The following ERG variants were observed in gnomAD, a reference collection of about 807,000 sequenced individuals.
The protein encoded by ERG is transcriptional regulator ERG.
Under a neutral mutation model 55.3 loss-of-function variants are expected in ERG, and 9 were observed. That is an observed-to-expected ratio of 0.16 (90% CI 0.10 to 0.28). The LOEUF is 0.28. Ranked by LOEUF, ERG falls within the 10% of genes least tolerant of loss-of-function variation. The pLI, the probability that ERG is intolerant of heterozygous loss-of-function variation, is 1.00. For synonymous variants in ERG, 223 were observed against 237.3 expected, an observed-to-expected ratio of 0.94 and a Z score of 0.55; for missense variants, 434 against 631.6, an observed-to-expected ratio of 0.69 and a Z score of 3.35.
chr21:38,542,673 T>C (rs1475344953), intron 2 of ERG, among the ~76,000 whole-genome samples: 1 of 152,148 alleles, frequency 6.6e-6, no homozygotes, highest in Non-Finnish European at 1.5e-5. Context: ...GCTAACGAAA[T>C]GCATTTTCAC....
chr21:38,396,002 T>C (rs1484370515), intron 6 of ERG, among the ~76,000 whole-genome samples: 1 of 152,072 alleles, frequency 6.6e-6, no homozygotes, highest in African/African-American at 2.4e-5. Context: ...CTCATCCTCA[T>C]TCTGCAGGAT....
At chr21:38,402,712 C>CAAAAAAAAAAAAAAAAAAACAAAAA (rs759434219) in intron 4 of ERG, 75 bp from the exon 5 acceptor site, 1 of 156,284 alleles carries the variant, frequency 6.4e-6, no homozygotes, top group African/African-American at 3.6e-5. Context: ...ACCTTTCTTA[C>CAAAAAAAAAAAAAAAAAAACAAAAA]AAAAAAAAAA....
intron 2 of ERG, among the ~76,000 whole-genome samples, chr21:38,573,362 G>A (rs976655401): frequency 6.6e-6 from 1 of 152,208 alleles, no homozygotes; most frequent in African/African-American, 2.4e-5. Context: ...TTGAGATAGA[G>A]GAAGGCCACT....
chr21:38,654,764 C>T (rs2060508818), intron 1 of ERG, among the ~76,000 whole-genome samples: 1 of 152,158 alleles, frequency 6.6e-6, no homozygotes, highest in African/African-American at 2.4e-5. Flanking sequence ...TCCACTTTTG[C>T]TTATTCTGTC....
Position 38,383,310 on chromosome 21 carries a change from C to T in ERG, c.*93G>A. ...CAGCCCCAGTAAAGCTTTTTTCATT[C>T]CTCTTGAGGCACTTTTGATTCATGT... is the stretch of plus-strand genomic sequence containing the variant. On this transcript the variant is annotated 3_prime_UTR_variant, in exon 10 of 10. Coordinates refer to ENST00000288319, the MANE Select transcript of ERG (RefSeq NM_182918.4). This position sits in a 1 kb window ranked among gnomAD's most constrained non-coding sequence, Gnocchi z 5.7. The T allele has an allele frequency of 1.5e-6, 2 of 1,345,674 alleles. No individual in the cohort carries two copies. The highest frequency in any genetic ancestry group is 9.6e-7 in the Non-Finnish European group (1 of 1,043,688). 83.4% of individuals were successfully genotyped at this position (1,345,674 alleles called of 1,614,324 possible).
intron 2 of ERG, among the ~76,000 whole-genome samples, chr21:38,506,550 G>C (rs1315007441): frequency 6.6e-6 from 1 of 152,180 alleles, no homozygotes; most frequent in Non-Finnish European, 1.5e-5. Context: ...TTAATATACA[G>C]ATTTCCTTGA....
At chr21:38,654,641 T>G (rs1411667895) in intron 1 of ERG, among the ~76,000 whole-genome samples, 2 of 152,210 alleles carry the variant, frequency 1.3e-5, no homozygotes, top group Non-Finnish European at 2.9e-5. Flanking sequence ...CTCCCTAGAT[T>G]TGATTTTTAC....
intron 1 of ERG, among the ~76,000 whole-genome samples, chr21:38,610,576 A>C (rs989982647): frequency 5.9e-5 from 9 of 152,200 alleles, no homozygotes; most frequent in African/African-American, 1.9e-4. Flanking sequence ...TGAATTCCTC[A>C]AAGTCTCAAT....
intron 1 of ERG, among the ~76,000 whole-genome samples, chr21:38,613,768 C>A (rs1253535847): frequency 6.6e-6 from 1 of 152,212 alleles, no homozygotes; most frequent in Non-Finnish European, 1.5e-5. Flanking sequence ...GAAGGGACTT[C>A]ATGTCCATGT....
chr21:38,599,420 T>A lies in ERG; in HGVS notation c.-149-14475A>T, dbSNP rs2070526. Among the ~76,000 whole-genome samples the A allele has an allele frequency of 6.3e-4, 96 of 152,084 alleles. 1 individual carries two copies. Among genetic ancestry groups the A allele is most frequent in the African/African-American group, 2.2e-3 (93 of 41,478 alleles). ...CTTCCGCACCCTCCCATGCATTCCA[T>A]GAACAAGGGGCAGCTTTTAGACCTT... On this transcript the variant is annotated intron_variant, in intron 1 of 10. Transcript: ENST00000398910.
At chr21:38,396,193 C>G (rs925452292) in intron 6 of ERG, among the ~76,000 whole-genome samples, 1 of 152,196 alleles carries the variant, frequency 6.6e-6, no homozygotes, top group African/African-American at 2.4e-5. Flanking sequence ...TTGAGTCAAC[C>G]TTAACATAAT....
rs1041079114 is a variant in ERG at position 38,653,960 on chromosome 21, TACAA to T, written c.-150+7694_-150+7697del. Among the ~76,000 whole-genome samples the T allele has an allele frequency of 3.9e-5, 6 of 152,380 alleles. No individual in the cohort carries two copies. The South Asian group carries it at 6.2e-4, about 16-fold the overall frequency. ...TGCATTTACAAATGTGCTCGTAATG[TACAA>T]ACAAATACAGCCCTTACTGTGGGTT... On this transcript the variant is annotated intron_variant, in intron 1 of 10. Coordinates refer to the ERG transcript ENST00000398910.
rs1601412641 is a variant in ERG, at chr21:38,445,178, G to A, written c.236+226C>T. On this transcript the variant is annotated intron_variant, in intron 2 of 9. Coordinates refer to ENST00000288319, the MANE Select transcript of ERG (RefSeq NM_182918.4). Reference sequence around the variant, plus strand: ...TTTTTGTTAGCCAGAGTCTTGCTCTGTCGCCCAGGCTGGAGTGCAGTGGCA... The same window carrying A: ...TTTTTGTTAGCCAGAGTCTTGCTCTATCGCCCAGGCTGGAGTGCAGTGGCA... Among the ~76,000 whole-genome samples, 3 of 125,576 alleles carry A rather than the reference G, an allele frequency of 2.4e-5. No homozygotes were observed. The South Asian group carries it at 7.4e-4, about 31-fold the overall frequency. 82.4% of individuals were successfully genotyped at this position (125,576 alleles called of 152,430 possible). A position where few individuals can be genotyped will look rare whatever the true frequency, so the allele number is the denominator to read the frequency against.
chr21:38,400,136 T>C (rs2146447666), intron 6 of ERG: 2 of 368,360 alleles, frequency 5.4e-6, no homozygotes, highest in East Asian at 9.0e-5. Context: ...GGCAGTAAGA[T>C]TCAGATGTAA....
At chr21:38,570,976 T>C (rs574377715) in intron 2 of ERG, among the ~76,000 whole-genome samples, 1 of 152,358 alleles carries the variant, frequency 6.6e-6, no homozygotes, top group East Asian at 1.9e-4. Flanking sequence ...GAAAATATTA[T>C]AGAGACAGAA....
chr21:38,434,839 G>C (rs1468842062), intron 2 of ERG, among the ~76,000 whole-genome samples: 1 of 152,230 alleles, frequency 6.6e-6, no homozygotes, highest in Non-Finnish European at 1.5e-5. Context: ...CTGTGCATGC[G>C]TGTATGTGGG....
intron 1 of ERG, among the ~76,000 whole-genome samples, chr21:38,606,372 C>G (rs1339490658): frequency 6.6e-6 from 1 of 152,120 alleles, no homozygotes; most frequent in Admixed American, 6.5e-5. Context: ...CCCTAGGGCT[C>G]TGGCAGAAGC....
At chr21:38,477,995 G>A (rs1330704880) in intron 1 of ERG, among the ~76,000 whole-genome samples, 1 of 152,194 alleles carries the variant, frequency 6.6e-6, no homozygotes, top group Non-Finnish European at 1.5e-5. Context: ...CCTAACATTC[G>A]ATCTTATCTC....
At chr21:38,628,704 A>G (rs1173971210) in intron 1 of ERG, among the ~76,000 whole-genome samples, 1 of 152,142 alleles carries the variant, frequency 6.6e-6, no homozygotes, top group African/African-American at 2.4e-5. Context: ...TCTCTCATGG[A>G]ACTTCCCTGT....
Sources: gnomAD v4.1 joint callset for allele counts (sites outside exome capture counted in the v4.1 genomes callset) on GRCh38, gnomAD v4.1.1 for gene constraint, Gnocchi (gnomAD v3.1) non-coding constraint, MANE v1.5 for transcripts, NCBI Gene and HGNC (gene_info 2026-07-23, HGNC 2026-07-21) for gene names.